Variants in PDIA5 observed in about 807,000 individuals in gnomAD.
The protein encoded by PDIA5 is protein disulfide-isomerase A5.
In PDIA5, 58 loss-of-function variants were observed where a neutral mutation model predicts 77.6. The ratio of observed to expected loss-of-function variants is 0.75; its 90% confidence interval spans 0.61 to 0.93. The LOEUF (loss-of-function observed/expected upper bound fraction) is 0.93, where lower values mean the gene tolerates loss of function less well. Ranked by LOEUF, PDIA5 falls within the 40% of genes least tolerant of loss-of-function variation. The probability of loss-of-function intolerance (pLI) is 0.00; values close to 1 mark genes in which losing one functional copy is unlikely to be tolerated. For synonymous variants in PDIA5, 250 were observed against 252.1 expected, an observed-to-expected ratio of 0.99 and a Z score of 0.08; for missense variants, 630 against 647.7, an observed-to-expected ratio of 0.97 and a Z score of 0.30.
rs374764585 is a variant in PDIA5, at chr3:123,102,710, A to G, written c.342-41A>G. On this transcript the variant is annotated intron_variant, in intron 4 of 16. Coordinates refer to ENST00000316218, the MANE Select transcript of PDIA5 (RefSeq NM_006810.4). ...GAAACCAAAGGTATGTATCTTCACA[A>G]CCATTCTTAAAGTTAACACATTTTT... is the stretch of plus-strand genomic sequence containing the variant. 2.5e-4 allele frequency: 377 copies of G among 1,497,322 alleles called. 6 individuals are homozygous for G. In the South Asian group the frequency reaches 4.1e-3, roughly 16 times the overall value. 92.8% of individuals were successfully genotyped at this position (1,497,322 alleles called of 1,614,324 possible).
rs1236609033 is a variant in PDIA5, at chr3:123,136,749, A to AG, written c.910+6138dup. ...ACAAAAAAAAAAAAAAAAAAAAAAA[A>AG]GGGGGTTGGGTTTTTTGTTTTTGTT... On this transcript the variant is annotated intron_variant, in intron 11 of 16. Transcript: ENST00000316218. 3.6e-3 allele frequency among the ~76,000 whole-genome samples: 451 copies of AG among 126,894 alleles called. 7 individuals carry two copies. Among genetic ancestry groups the AG allele is most frequent in the African/African-American group, 0.012 (407 of 33,302 alleles). The allele number at this position is 126,894 out of a possible 152,430, so 83.2% of individuals were successfully genotyped here.
At position 123,150,340 on chromosome 3, in the gene PDIA5, A is replaced by C. The variant is rs1935862047; in HGVS notation, c.1249A>C (p.Thr417Pro). 2 of 1,613,794 alleles carry C rather than the reference A, an allele frequency of 1.2e-6. No homozygotes were observed. Among genetic ancestry groups the C allele is most frequent in the Admixed American group, 1.7e-5 (1 of 59,970 alleles). ...GGAGACCCTGAAGAAGAAGAAACAC[A>C]CCTTGGTCATGTTCTACGCCCCTTG... ...FRETLKKKKHTLVMFYAPWCP... is the reference protein window; with the variant it reads ...FRETLKKKKHPLVMFYAPWCP... The change falls in exon 14 of 17, where the codon ACC (threonine) becomes CCC (proline). Residue 417 changes from threonine to proline, a missense_variant. Physicochemically the swap from Thr to Pro is conservative, Grantham distance 38. Transcript: ENST00000316218.
intron 7 of PDIA5, among the ~76,000 whole-genome samples, 197 bp downstream of exon 7, chr3:123,111,201 C>T (rs1397851504): frequency 6.6e-6 from 1 of 152,188 alleles, no homozygotes; most frequent in Non-Finnish European, 1.5e-5. Context: ...TGCTGTCTGC[C>T]CTGCATTCTG....
At chr3:123,085,067 T>C (rs1448282828) in intron 1 of PDIA5, among the ~76,000 whole-genome samples, 2 of 152,184 alleles carry the variant, frequency 1.3e-5, no homozygotes, top group Non-Finnish European at 2.9e-5. Context: ...CCCTGAGCTG[T>C]GGTCTGTGTG....
At chr3:123,125,523 G>A (rs931441689) in intron 10 of PDIA5, among the ~76,000 whole-genome samples, 7 of 152,078 alleles carry the variant, frequency 4.6e-5, no homozygotes, top group Non-Finnish European at 1.0e-4. Context: ...CTCAGCTGCC[G>A]GCACAGTGGA....
Position 123,145,519 on chromosome 3 carries a change from C to T in PDIA5, c.911-3C>T, listed in dbSNP as rs754956650. On this transcript the variant is annotated splice_polypyrimidine_tract_variant and splice_region_variant and intron_variant, in intron 11 of 16. Coordinates refer to ENST00000316218, the MANE Select transcript of PDIA5 (RefSeq NM_006810.4). ...AATGGTTTCTCTTGATCTCTCCCCA[C>T]AGGGTGTGGCCACTGTAAGAAAATG... The T allele has an allele frequency of 3.7e-6, 6 of 1,613,192 alleles. No individual in the cohort carries two copies.
At chr3:123,145,980 C>A in intron 12 of PDIA5, 119 bp from the exon 13 acceptor site, 1 of 907,024 alleles carries the variant, frequency 1.1e-6, no homozygotes, top group Non-Finnish European at 1.7e-6. Flanking sequence ...CTGGGCTAGC[C>A]ACCCCAGTTA....
intron 1 of PDIA5, among the ~76,000 whole-genome samples, chr3:123,072,761 G>A (rs559879354): frequency 5.2e-4 from 79 of 152,324 alleles, no homozygotes; most frequent in Non-Finnish European, 7.4e-5. Context: ...GTTTTATTCT[G>A]TTGGGCTCTT....
At chr3:123,079,487 G>A (rs1014374355) in intron 1 of PDIA5, among the ~76,000 whole-genome samples, 7 of 152,132 alleles carry the variant, frequency 4.6e-5, no homozygotes, top group Non-Finnish European at 1.0e-4. Flanking sequence ...TTTTTGCATT[G>A]CGAAGTCTTT....
At chr3:123,113,432 A>G (rs1324298037) in intron 7 of PDIA5, among the ~76,000 whole-genome samples, 2 of 152,194 alleles carry the variant, frequency 1.3e-5, no homozygotes, top group African/African-American at 4.8e-5. Flanking sequence ...ACAGAAGAGA[A>G]AGCTGGGGCA....
At chr3:123,080,487 C>T (rs1026565008) in intron 1 of PDIA5, among the ~76,000 whole-genome samples, 2 of 152,184 alleles carry the variant, frequency 1.3e-5, no homozygotes, top group Non-Finnish European at 2.9e-5. Flanking sequence ...TTGGAGAGTT[C>T]CCGGGCTAAT....
chr3:123,093,580 T>C (rs981364226), intron 3 of PDIA5, among the ~76,000 whole-genome samples: 8 of 152,156 alleles, frequency 5.3e-5, no homozygotes, highest in African/African-American at 1.9e-4. Flanking sequence ...AGCTTTGACT[T>C]AGTTGTTGTC....
At chr3:123,099,060 C>T (rs867938863) in intron 3 of PDIA5, among the ~76,000 whole-genome samples, 1,597 of 101,154 alleles carry the variant, frequency 0.016, 24 homozygotes, top group African/African-American at 0.045. Flanking sequence ...TGCTTGCGCA[C>T]ACACACACAC....
intron 6 of PDIA5, among the ~76,000 whole-genome samples, chr3:123,109,920 TC>T (rs1366447630): frequency 6.6e-6 from 1 of 152,264 alleles, no homozygotes; most frequent in Non-Finnish European, 1.5e-5. Flanking sequence ...TGCAGTAGTA[TC>T]CCATTGTGCG....
intron 8 of PDIA5, among the ~76,000 whole-genome samples, chr3:123,122,077 G>A (rs1479320651): frequency 6.6e-6 from 1 of 152,186 alleles, no homozygotes; most frequent in Non-Finnish European, 1.5e-5. Flanking sequence ...ACCCTAACAG[G>A]TGTACAATGA....
chr3:123,140,369 T>C (rs182217228), intron 11 of PDIA5, among the ~76,000 whole-genome samples: 4 of 148,740 alleles, frequency 2.7e-5, no homozygotes, highest in African/African-American at 5.2e-5. Context: ...TCTGATCTGA[T>C]TGATGTTTTG....
chr3:123,123,300 G>A (rs1045113927), intron 8 of PDIA5, among the ~76,000 whole-genome samples: 29 of 152,220 alleles, frequency 1.9e-4, no homozygotes, highest in East Asian at 3.9e-4. Flanking sequence ...CTACATCGTC[G>A]GTTACCCAGC....
At chr3:123,116,208 GTC>G in intron 7 of PDIA5, 21 bp from the exon 8 acceptor site, 1 of 1,609,338 alleles carries the variant, frequency 6.2e-7, no homozygotes. Context: ...ACCGGATGTG[GTC>G]TCTCTCCTGC....
chr3:123,083,799 G>A (rs879753240), intron 1 of PDIA5, among the ~76,000 whole-genome samples: 3 of 152,192 alleles, frequency 2.0e-5, no homozygotes, highest in Non-Finnish European at 4.4e-5. Flanking sequence ...AAGGTGCTCC[G>A]AGGCTTGCTG....
Sources: gnomAD v4.1 joint callset for allele counts (sites outside exome capture counted in the v4.1 genomes callset) on GRCh38, gnomAD v4.1.1 for gene constraint, MANE v1.5 for transcripts, NCBI Gene and HGNC (gene_info 2026-07-23, HGNC 2026-07-21) for gene names.